Variants in SEC24A observed in about 807,000 individuals in gnomAD.
The protein encoded by SEC24A is SEC24 homolog A, COPII component.
SEC24A carries 93 observed loss-of-function variants against 129.4 expected under a neutral mutation model. That is an observed-to-expected ratio of 0.72 (90% confidence interval 0.61 to 0.85). The LOEUF (loss-of-function observed/expected upper bound fraction) is 0.85. SEC24A is among the 40% of genes least tolerant of loss of function. The pLI is 0.00. For synonymous variants in SEC24A, 460 were observed against 467.3 expected (o/e 0.98, Z 0.20); for missense variants, 1,264 against 1,307.4 (o/e 0.97, Z 0.51).
chr5:134,689,903 T>C (rs768813569), intron 11 of SEC24A, among the ~76,000 whole-genome samples: 9 of 151,372 alleles, frequency 5.9e-5, no homozygotes, highest in Non-Finnish European at 1.0e-4. Flanking sequence ...CGACAAATAT[T>C]GTATGGTTCC....
intron 15 of SEC24A, among the ~76,000 whole-genome samples, chr5:134,699,301 C>CGTTTTTTTTTTTTTTT (rs1429369613): frequency 5.1e-5 from 7 of 138,420 alleles, no homozygotes; most frequent in African/African-American, 1.9e-4. Flanking sequence ...CCATTTTATC[C>CGTTTTTTTTTTTTTTT]TTTTTTTTTT....
At chr5:134,682,588 C>A in intron 9 of SEC24A, 106 bp downstream of exon 9, 1 of 589,116 alleles carries the variant, frequency 1.7e-6, no homozygotes. Context: ...TATTTTGAGA[C>A]AGAGTTTCAC....
At chr5:134,672,889 C>T (rs1297582128) in intron 4 of SEC24A, among the ~76,000 whole-genome samples, 1 of 151,640 alleles carries the variant, frequency 6.6e-6, no homozygotes, top group Non-Finnish European at 1.5e-5. Flanking sequence ...GCATATGGTA[C>T]CATGCCAGGC....
At chr5:134,705,493 A>G (rs1752135740) in intron 17 of SEC24A, 56 bp downstream of exon 17, 1 of 1,163,234 alleles carries the variant, frequency 8.6e-7, no homozygotes, top group East Asian at 2.5e-5. Context: ...AGGCACATCC[A>G]AACAGTTTTG....
intron 17 of SEC24A, 145 bp downstream of exon 17, chr5:134,705,582 T>C (rs1361520520): frequency 1.8e-6 from 1 of 541,332 alleles, no homozygotes; most frequent in African/African-American, 1.9e-5. Flanking sequence ...TTTGAAAAGA[T>C]CTGCTGCAGA....
At chr5:134,671,299 A>G (rs529521482) in intron 3 of SEC24A, among the ~76,000 whole-genome samples, 4 of 152,180 alleles carry the variant, frequency 2.6e-5, no homozygotes, top group South Asian at 2.1e-4. Context: ...TGACCTCGTG[A>G]TCCGCCCGCC....
At chr5:134,712,704 C>T (rs907443364) in intron 18 of SEC24A, among the ~76,000 whole-genome samples, 45 of 151,924 alleles carry the variant, frequency 3.0e-4, no homozygotes, top group Non-Finnish European at 4.1e-4. Flanking sequence ...CTGCAACCTC[C>T]GCCTCCGGGG....
At chr5:134,665,254 C>T (rs1296282697) in intron 2 of SEC24A, among the ~76,000 whole-genome samples, 2 of 151,140 alleles carry the variant, frequency 1.3e-5, no homozygotes, top group African/African-American at 4.9e-5. Context: ...TGAGATCAGC[C>T]TCCAGCCTGG....
In SEC24A at chr5:134,694,198, T is replaced by C. The variant is rs146045571; in HGVS notation, c.1986+265T>C. Among the ~76,000 whole-genome samples, 218 of 152,284 alleles carry C rather than the reference T, an allele frequency of 1.4e-3. 1 individual carries two copies. The highest frequency in any genetic ancestry group is 4.1e-3 in the African/African-American group (172 of 41,572). On this transcript the variant is annotated intron_variant, in intron 13 of 22. Coordinates refer to ENST00000398844, the MANE Select transcript of SEC24A (RefSeq NM_021982.3). ...TGGGAGACTAACAGAATATGCTTGA[T>C]AGGGACAAAGAGAACCTGATTGACC...
At chr5:134,705,694 G>A (rs1752140656) in intron 17 of SEC24A, among the ~76,000 whole-genome samples, 1 of 151,902 alleles carries the variant, frequency 6.6e-6, no homozygotes, top group Non-Finnish European at 1.5e-5. Flanking sequence ...TTTGTTTTTA[G>A]TGTTTTTACA....
intron 8 of SEC24A, among the ~76,000 whole-genome samples, chr5:134,680,061 T>C (rs1025254328): frequency 6.6e-6 from 1 of 152,144 alleles, no homozygotes; most frequent in Non-Finnish European, 1.5e-5. Context: ...ACGCCTTTTC[T>C]CTAGGGTGAA....
chr5:134,662,799 A>G (rs1750519191), intron 2 of SEC24A, among the ~76,000 whole-genome samples: 1 of 152,262 alleles, frequency 6.6e-6, no homozygotes, highest in African/African-American at 2.4e-5. Flanking sequence ...AATTCATTTG[A>G]TACCATGAGT....
At chr5:134,660,457 G>C (rs1213173583) in intron 1 of SEC24A, among the ~76,000 whole-genome samples, 1 of 152,030 alleles carries the variant, frequency 6.6e-6, no homozygotes, top group Non-Finnish European at 1.5e-5. Context: ...TGGGCTGTGA[G>C]ATGGCCTATT....
chr5:134,674,407 C>T (rs1464137748), intron 4 of SEC24A, among the ~76,000 whole-genome samples: 9 of 152,084 alleles, frequency 5.9e-5, no homozygotes, highest in Non-Finnish European at 1.0e-4. Flanking sequence ...CATGATGGCA[C>T]ACACCAGTCA....
chr5:134,658,464 A>G (rs958520269), intron 1 of SEC24A, among the ~76,000 whole-genome samples: 3 of 152,116 alleles, frequency 2.0e-5, no homozygotes, highest in Non-Finnish European at 1.5e-5. Context: ...TGGAATGCCT[A>G]ATTATAGCTC....
At chr5:134,709,142 C>T (rs890295188) in intron 18 of SEC24A, among the ~76,000 whole-genome samples, 4 of 152,090 alleles carry the variant, frequency 2.6e-5, no homozygotes, top group Middle Eastern at 3.4e-3. Context: ...GTCCAGGAGG[C>T]GGAGGTTGTA....
Position 134,725,055 on chromosome 5 carries a change from T to C in SEC24A, c.3243T>C (p.Tyr1081=), listed in dbSNP as rs2340360. Residue 1081 remains tyrosine (Y), a synonymous_variant, in exon 23 of 23, where the codon TAT becomes TAC. Coordinates refer to ENST00000398844, the MANE Select transcript of SEC24A (RefSeq NM_021982.3). ...GAACAGAATCTGCATTATCATATTA[T>C]GAATTCCTGTTGCATATACAGCAAC... is the stretch of plus-strand genomic sequence containing the variant. The part of the protein sequence containing the change: ...EDRTESALSY[Y]EFLLHIQQQV... 1 of 1,596,892 alleles carries C rather than the reference T, an allele frequency of 6.3e-7. No homozygotes were observed. The highest frequency in any genetic ancestry group is 2.2e-5 in the East Asian group (1 of 44,632).
intron 7 of SEC24A, 73 bp from the exon 8 acceptor site, chr5:134,679,529 A>G (rs780489777): frequency 9.4e-7 from 1 of 1,063,716 alleles, no homozygotes; most frequent in African/African-American, 1.6e-5. Context: ...TTTAGACAGG[A>G]TGGATTCATG....
chr5:134,693,110 C>T (rs1414859106), intron 12 of SEC24A: 1 of 1,535,714 alleles, frequency 6.5e-7, no homozygotes, highest in Non-Finnish European at 8.7e-7. Flanking sequence ...GAGAGGTGAA[C>T]AGAATGTGTC....
Sources: allele counts gnomAD v4.1 joint callset (sites outside exome capture counted in the v4.1 genomes callset), GRCh38; gene constraint gnomAD v4.1.1; transcripts MANE v1.5; gene names NCBI Gene and HGNC (gene_info 2026-07-23, HGNC 2026-07-21).